FBXL5: variants seen among roughly 807,000 people sequenced by gnomAD.
FBXL5 encodes the protein F-box and leucine rich repeat protein 5.
Under a neutral mutation model 78.3 loss-of-function variants are expected in FBXL5, and 26 were observed. That is an observed-to-expected ratio of 0.33 (90% CI 0.24 to 0.46). FBXL5 has a LOEUF of 0.46. Ranked by LOEUF, FBXL5 falls within the 20% of genes least tolerant of loss-of-function variation. The probability of loss-of-function intolerance (pLI) is 1.00; values close to 1 mark genes in which losing one functional copy is unlikely to be tolerated. For synonymous variants in FBXL5, 295 were observed against 282.5 expected (o/e 1.04, Z -0.45); for missense variants, 710 against 829.2 (o/e 0.86, Z 1.77).
At chr4:15,655,520 C>T (rs991049987), upstream of FBXL5, 3 of 335,966 alleles carry the variant, frequency 8.9e-6, no homozygotes, top group African/African-American at 2.2e-5. Context: ...CTCCCGCCCC[C>T]ACTCTTTTCG....
chr4:15,626,096 A>G, intron 8 of FBXL5, 119 bp from the exon 9 acceptor site: 1 of 883,036 alleles, frequency 1.1e-6, no homozygotes, highest in Non-Finnish European at 1.7e-6. Flanking sequence ...TCACTTAAGT[A>G]TTTAGTGAAT....
At chr4:15,646,026 AC>A (rs1167220360) in intron 1 of FBXL5, among the ~76,000 whole-genome samples, 1 of 152,228 alleles carries the variant, frequency 6.6e-6, no homozygotes, top group East Asian at 1.9e-4. Context: ...TAACTGCAAT[AC>A]ATAAGTAAAT....
intron 6 of FBXL5, 61 bp downstream of exon 6, chr4:15,630,605 A>G (rs3775956): frequency 0.36 from 491,781 of 1,373,612 alleles, 89,760 homozygotes; most frequent in Non-Finnish European, 0.38. Flanking sequence ...TAATAATTAT[A>G]AGTACTTAAT....
chr4:15,676,595 T>C (rs930022885), intron 1 of FBXL5, among the ~76,000 whole-genome samples: 2 of 152,050 alleles, frequency 1.3e-5, no homozygotes, highest in South Asian at 2.1e-4. Context: ...CACTCAATAT[T>C]AGATATTAGA....
intron 1 of FBXL5, among the ~76,000 whole-genome samples, chr4:15,674,049 A>G (rs973297384): frequency 1.3e-5 from 2 of 152,360 alleles, no homozygotes; most frequent in Admixed American, 1.3e-4. Flanking sequence ...TGCCAGAACA[A>G]AAATTGATAC....
At position 15,644,968 on chromosome 4, in the gene FBXL5, TA is replaced by T. The variant is rs749447502; in HGVS notation, c.85-261del. 3.3e-5 allele frequency among the ~76,000 whole-genome samples: 5 copies of T among 152,184 alleles called. No homozygotes were observed. In the East Asian group the frequency reaches 5.8e-4, roughly 18 times the overall value. ...ATATGTGCACAAATCACGGTTTCTT[TA>T]AAGAGAAGAGATTAAACCAGGCCCC... On this transcript the variant is annotated intron_variant, in intron 1 of 10. Coordinates refer to ENST00000341285, the MANE Select transcript of FBXL5 (RefSeq NM_012161.4).
At chr4:15,635,358 T>C (rs1714146660) in intron 5 of FBXL5, among the ~76,000 whole-genome samples, 2 of 151,822 alleles carry the variant, frequency 1.3e-5, no homozygotes, top group South Asian at 4.2e-4. Context: ...CTATACATTA[T>C]TATAATGAAT....
Position 15,644,567 on chromosome 4 carries a change from T to A in FBXL5, c.226A>T (p.Ile76Phe), listed in dbSNP as rs1299748042. The A allele has an allele frequency of 3.7e-6, 6 of 1,614,152 alleles. No homozygotes were observed. The highest frequency in any genetic ancestry group is 5.1e-6 in the Non-Finnish European group (6 of 1,180,014). ...TTATTGTCAGAATGTACATTATAAA[T>A]GGTCTGGCTGCGTTGTTGAAGCAAA... The part of the protein sequence containing the change: ...IGLLQQRSQT[I>F]YNVHSDNKLS... Residue 76 changes from isoleucine to phenylalanine, a missense_variant, in exon 2 of 11, where the codon ATT (isoleucine) becomes TTT (phenylalanine). Ile to Phe is a conservative substitution (Grantham distance 21, BLOSUM62 0). Around this residue, in one of 4 missense-constraint regions of FBXL5, gnomAD observed 132 missense variants for 156.9 expected, o/e 0.84. Coordinates refer to ENST00000341285, the MANE Select transcript of FBXL5 (RefSeq NM_012161.4).
At chr4:15,618,271 G>T (rs922838329) in intron 9 of FBXL5, among the ~76,000 whole-genome samples, 14 of 152,174 alleles carry the variant, frequency 9.2e-5, no homozygotes, top group Non-Finnish European at 1.5e-5. Context: ...GTGCATGCCT[G>T]TATTCCCAAC....
At position 15,625,345 on chromosome 4, in the gene FBXL5, T is replaced by A; in HGVS notation, c.1757A>T (p.Tyr586Phe). ...TRLPRGKDLIYFGSEKSDQET... is the reference protein window; with the variant it reads ...TRLPRGKDLIFFGSEKSDQET... The stretch of plus-strand genomic sequence containing the variant: ...TTGATCAGATTTTTCACTCCCAAAG[T>A]AAATTAAGTCTTTTCCCCTAGGCAA... Residue 586 changes from tyrosine to phenylalanine, a missense_variant, in exon 9 of 11, where the codon TAC (tyrosine) becomes TTC (phenylalanine). Tyr to Phe is a conservative substitution (Grantham distance 22, BLOSUM62 3). Coordinates refer to ENST00000341285, the MANE Select transcript of FBXL5 (RefSeq NM_012161.4). 1 of 1,614,174 alleles carries A rather than the reference T, an allele frequency of 6.2e-7. No individual in the cohort carries two copies. Among genetic ancestry groups the A allele is most frequent in the Non-Finnish European group, 8.5e-7 (1 of 1,180,018 alleles).
intron 1 of FBXL5, among the ~76,000 whole-genome samples, chr4:15,674,167 A>G (rs1231503679): frequency 4.0e-5 from 6 of 151,874 alleles, no homozygotes; most frequent in Non-Finnish European, 2.9e-5. Context: ...TTCTCTGGAA[A>G]TACTAAAGAA....
chr4:15,646,861 T>C (rs1030713058), intron 1 of FBXL5, among the ~76,000 whole-genome samples: 17 of 152,022 alleles, frequency 1.1e-4, no homozygotes, highest in Non-Finnish European at 2.2e-4. Context: ...GATATTATTT[T>C]TTTAATGGCA....
Position 15,644,601 on chromosome 4 carries a change from G to A in FBXL5, c.192C>T (p.Tyr64=), listed in dbSNP as rs769931257. 2.5e-6 allele frequency: 4 copies of A among 1,613,978 alleles called. No individual in the cohort carries two copies. Among genetic ancestry groups the A allele is most frequent in the Non-Finnish European group, 3.4e-6 (4 of 1,179,936 alleles). ...TGCGTTGTTGAAGCAAACCAATAAT[G>A]TATTCATTTTCAATCTGCTCATGCA... ...FKMHEQIENE[Y]IIGLLQQRSQ... is the part of the protein sequence containing the mutation. The change falls in exon 2 of 11, where the codon TAC becomes TAT. Residue 64 remains tyrosine, a synonymous_variant. Coordinates refer to ENST00000341285, the MANE Select transcript of FBXL5 (RefSeq NM_012161.4).
At chr4:15,624,650 A>G (rs1006318309) in intron 9 of FBXL5, among the ~76,000 whole-genome samples, 1 of 150,638 alleles carries the variant, frequency 6.6e-6, no homozygotes, top group African/African-American at 2.4e-5. Context: ...ATGCTTATTA[A>G]AAAAAAAAAC....
chr4:15,627,098 T>A (rs1284815297), intron 7 of FBXL5, 143 bp from the exon 8 acceptor site: 1 of 403,656 alleles, frequency 2.5e-6, no homozygotes, highest in Non-Finnish European at 4.6e-6. Context: ...AAAAGTATAA[T>A]AAAATATTCT....
intron 5 of FBXL5, among the ~76,000 whole-genome samples, chr4:15,631,027 A>G (rs1211945572): frequency 6.6e-6 from 1 of 152,118 alleles, no homozygotes; most frequent in African/African-American, 2.4e-5. Flanking sequence ...TCAACTCATC[A>G]TTTACATCAG....
chr4:15,649,741 G>A (rs969579505), intron 1 of FBXL5, among the ~76,000 whole-genome samples: 3 of 151,904 alleles, frequency 2.0e-5, no homozygotes, highest in Non-Finnish European at 2.9e-5. Context: ...TAGGACATAC[G>A]GAAGGAAGCC....
At chr4:15,629,005 C>T (rs1173793378) in intron 6 of FBXL5, among the ~76,000 whole-genome samples, 1 of 151,742 alleles carries the variant, frequency 6.6e-6, no homozygotes, top group East Asian at 1.9e-4. Flanking sequence ...AACCTGTATA[C>T]AATGTGTGAT....
chr4:15,625,399 G>A lies in FBXL5; in HGVS notation c.1703C>T (p.Ala568Val). 1 of 1,614,118 alleles carries A rather than the reference G, an allele frequency of 6.2e-7. No individual in the cohort carries two copies. ...RTMSSLPESS[A>V]MCRKAARTRL... The stretch of plus-strand genomic sequence containing the variant: ...AGTCCTTGCTGCTTTTCTACACATT[G>A]CAGAAGATTCTGGGAGTGATGACAT... Residue 568 changes from alanine (A) to valine (V), a missense_variant, in exon 9 of 11, where the codon GCA (alanine) becomes GTA (valine). By Grantham distance (64) the Ala-to-Val change is moderately conservative. This residue lies in a region of FBXL5 where 517 missense variants were observed against 542.9 expected (regional missense o/e 0.95). Coordinates refer to ENST00000341285, the MANE Select transcript of FBXL5 (RefSeq NM_012161.4).
Sources: allele counts gnomAD v4.1 joint callset (sites outside exome capture counted in the v4.1 genomes callset), GRCh38; gene constraint gnomAD v4.1.1; regional missense constraint gnomAD v4.1.1; transcripts MANE v1.5; gene names NCBI Gene and HGNC (gene_info 2026-07-23, HGNC 2026-07-21).